ADGRE3: variants seen among roughly 807,000 people sequenced by gnomAD.
ADGRE3 encodes the protein EGF-like module receptor 3.
In ADGRE3, 88 loss-of-function variants were observed where a neutral mutation model predicts 80.1. That is an observed-to-expected ratio of 1.10 (90% CI 0.93 to 1.31). The LOEUF (loss-of-function observed/expected upper bound fraction) is 1.31, where lower values mean the gene tolerates loss of function less well. ADGRE3 is among the 40% of genes most tolerant of loss of function. The pLI is 0.00. For missense variants in ADGRE3, 715 were observed against 776.5 expected, an observed-to-expected ratio of 0.92 and a Z score of 0.94; for synonymous variants, 281 against 294.8, an observed-to-expected ratio of 0.95 and a Z score of 0.48.
At chr19:14,620,537 T>TATATATATATAATA (rs1415988959) in intron 15 of ADGRE3, among the ~76,000 whole-genome samples, 1 of 18,448 alleles carries the variant, frequency 5.4e-5, no homozygotes, top group African/African-American at 3.1e-4. Context: ...TATATATATT[T>TATATATATATAATA]TATATATATA....
chr19:14,668,311 C>A (rs1972157648), intron 2 of ADGRE3, among the ~76,000 whole-genome samples: 1 of 151,978 alleles, frequency 6.6e-6, no homozygotes, highest in Non-Finnish European at 1.5e-5. Context: ...TGAGCCCCTC[C>A]CAGATTCTTA....
At chr19:14,601,224 C>T in the ADGRE3 span, among the ~76,000 whole-genome samples, 4 of 151,956 alleles carry the variant, frequency 2.6e-5, no homozygotes, top group African/African-American at 4.8e-5. Context: ...CTTTATGCTG[C>T]GGTAACAGAC....
chr19:14,615,952 C>G (rs1482150503), downstream of ADGRE3, among the ~76,000 whole-genome samples: 1 of 149,472 alleles, frequency 6.7e-6, no homozygotes, highest in Non-Finnish European at 1.5e-5. Context: ...ACATCTTGTT[C>G]TTTCTCTGCC....
intron 9 of ADGRE3, among the ~76,000 whole-genome samples, chr19:14,643,886 T>G (rs1971323970): frequency 6.6e-6 from 1 of 152,096 alleles, no homozygotes; most frequent in South Asian, 2.1e-4. Context: ...AATTTTTGTA[T>G]TTTTAGCAGA....
chr19:14,658,576 A>G, intron 4 of ADGRE3, 26 bp from the exon 5 acceptor site: 1 of 1,533,544 alleles, frequency 6.5e-7, no homozygotes, highest in Non-Finnish European at 8.8e-7. Flanking sequence ...TGATGGAGTT[A>G]CTATTGGAAC....
At chr19:14,619,603 C>G (rs1970476693) in intron 15 of ADGRE3, 132 bp from the exon 16 acceptor site, 1 of 687,880 alleles carries the variant, frequency 1.5e-6, no homozygotes. Context: ...GGCATGATCT[C>G]CTAGCATTTA....
chr19:14,669,111 C>T (rs1029977320), intron 1 of ADGRE3, among the ~76,000 whole-genome samples: 7 of 152,166 alleles, frequency 4.6e-5, no homozygotes, highest in African/African-American at 1.7e-4. Context: ...CACCTGCACT[C>T]ATACATTTAC....
intron 15 of ADGRE3, chr19:14,621,670 G>A (rs1468636287): frequency 9.8e-7 from 1 of 1,024,948 alleles, no homozygotes; most frequent in Middle Eastern, 3.3e-4. Context: ...CAGTTGTTAC[G>A]GCACTCTTAT....
At chr19:14,631,119 G>A (rs1392754880) in intron 13 of ADGRE3, among the ~76,000 whole-genome samples, 1 of 151,818 alleles carries the variant, frequency 6.6e-6, no homozygotes, top group African/African-American at 2.4e-5. Flanking sequence ...TAATCCACCT[G>A]CCTCGGCCTC....
At chr19:14,637,891 G>A (rs1418664840) in intron 11 of ADGRE3, among the ~76,000 whole-genome samples, 1 of 150,422 alleles carries the variant, frequency 6.6e-6, no homozygotes, top group Admixed American at 6.6e-5. Flanking sequence ...TTACTGTGCA[G>A]TGGGCATATG....
At chr19:14,603,180 A>G in the ADGRE3 span, among the ~76,000 whole-genome samples, 2 of 152,198 alleles carry the variant, frequency 1.3e-5, no homozygotes, top group African/African-American at 2.4e-5. Flanking sequence ...TCATTCTGCT[A>G]GAATGGTGTA....
downstream of ADGRE3, among the ~76,000 whole-genome samples, chr19:14,617,041 C>T (rs535855040): frequency 6.6e-5 from 10 of 151,790 alleles, no homozygotes; most frequent in Non-Finnish European, 1.0e-4. Context: ...GTGAACCACC[C>T]GCCTTGGCCT....
chr19:14,646,158 C>CT (rs545963192), intron 8 of ADGRE3, among the ~76,000 whole-genome samples: 402 of 152,242 alleles, frequency 2.6e-3, no homozygotes, highest in African/African-American at 9.1e-3. Context: ...GAGTCTGACT[C>CT]TGTTGCCAGG....
rs561539971 is a variant in ADGRE3 at position 14,641,220 on chromosome 19, T to G, written c.1248+199A>C. Among the ~76,000 whole-genome samples, 24 of 152,358 alleles carry G rather than the reference T, an allele frequency of 1.6e-4. No individual in the cohort carries two copies. In the South Asian group the frequency reaches 3.5e-3, roughly 22 times the overall value. ...TATATGAAATATGAATATATGTTAA[T>G]GAACTTCTGTTTGCTTTTTCTCTTA... On this transcript the variant is annotated intron_variant, in intron 10 of 15. Transcript: ENST00000253673.
rs113595431 is a variant in ADGRE3, at chr19:14,636,181, CTCTTTCTT to C, written c.1484+1916_1484+1923del. 1.4e-3 allele frequency among the ~76,000 whole-genome samples: 99 copies of C among 72,010 alleles called. 19 individuals carry two copies. Among genetic ancestry groups the C allele is most frequent in the Middle Eastern group, 7.2e-3 (1 of 138 alleles). The allele number at this position is 72,010 out of a possible 152,430, so 47.2% of individuals were successfully genotyped here. On this transcript the variant is annotated intron_variant, in intron 11 of 15. Transcript: ENST00000253673. ...TTCCTCCTTTCCTTTCCTTTCCTTC[CTCTTTCTT>C]TCTTTCTTTCTTTCTTTTCTTTTCT...
chr19:14,649,444 A>G (rs1387166655), intron 7 of ADGRE3, among the ~76,000 whole-genome samples: 13 of 96,606 alleles, frequency 1.3e-4, no homozygotes, highest in Non-Finnish European at 2.5e-4. Flanking sequence ...CTCTCTCCCC[A>G]TCTCTCTCTT....
At chr19:14,649,278 C>A (rs1477532231) in intron 7 of ADGRE3, among the ~76,000 whole-genome samples, 3 of 150,210 alleles carry the variant, frequency 2.0e-5, no homozygotes, top group Non-Finnish European at 4.4e-5. Context: ...TTCTTTCCAT[C>A]TCTCCATCTC....
downstream of ADGRE3, among the ~76,000 whole-genome samples, chr19:14,616,966 C>T (rs918888684): frequency 2.6e-5 from 4 of 151,338 alleles, no homozygotes; most frequent in African/African-American, 7.3e-5. Context: ...TGGCTAATTT[C>T]GTATTTTTAG....
chr19:14,650,991 C>T, intron 7 of ADGRE3, 94 bp downstream of exon 7: 1 of 1,362,272 alleles, frequency 7.3e-7, no homozygotes, highest in South Asian at 1.3e-5. Context: ...GGTAAAAAGC[C>T]CATGAGGGGA....
Sources: gnomAD v4.1 joint callset for allele counts (sites outside exome capture counted in the v4.1 genomes callset) on GRCh38, gnomAD v4.1.1 for gene constraint, MANE v1.5 for transcripts, NCBI Gene and HGNC (gene_info 2026-07-23, HGNC 2026-07-21) for gene names.